MAGI2: variants seen among roughly 807,000 people sequenced by gnomAD.
The protein encoded by MAGI2 is membrane associated guanylate kinase, WW and PDZ domain containing 2, also known as membrane-associated guanylate kinase, WW and PDZ domain-containing protein 2.
In MAGI2, 35 loss-of-function variants were observed where a neutral mutation model predicts 133.3. That is an observed-to-expected ratio of 0.26 (90% CI 0.20 to 0.35). The LOEUF (loss-of-function observed/expected upper bound fraction) is 0.35. MAGI2 is among the 10% of genes least tolerant of loss of function. The pLI is 1.00. For synonymous variants in MAGI2, 729 were observed against 710.6 expected (o/e 1.03, Z -0.41); for missense variants, 1,636 against 1,863.4 (o/e 0.88, Z 2.25).
chr7:79,341,000 T>A (rs1334364037), intron 1 of MAGI2, among the ~76,000 whole-genome samples: 2 of 152,102 alleles, frequency 1.3e-5, no homozygotes, highest in South Asian at 4.1e-4. Flanking sequence ...ACACCTATTA[T>A]AAAAATTATT....
intron 1 of MAGI2, among the ~76,000 whole-genome samples, chr7:79,033,371 T>C (rs1343860913): frequency 6.6e-6 from 1 of 152,202 alleles, no homozygotes; most frequent in African/African-American, 2.4e-5. Context: ...CCATTTTGGT[T>C]TTGACTTTTT....
In MAGI2 at chr7:78,267,753, C is replaced by T. The variant is rs560680921; in HGVS notation, c.1409-11172G>A. Among the ~76,000 whole-genome samples the T allele has an allele frequency of 9.2e-5, 14 of 152,254 alleles. No homozygotes were observed. In the South Asian group the frequency reaches 2.5e-3, roughly 27 times the overall value. ...GGCATATACCCACCACTACCCTCTC[C>T]GTGTTAGACACTGCACACAGATTCT... On this transcript the variant is annotated intron_variant, in intron 9 of 21. Transcript: ENST00000354212.
At chr7:78,364,608 A>G (rs1793185131) in intron 7 of MAGI2, among the ~76,000 whole-genome samples, 1 of 152,216 alleles carries the variant, frequency 6.6e-6, no homozygotes, top group Non-Finnish European at 1.5e-5. Flanking sequence ...CTACAGTTAT[A>G]TGGTTTGCTT....
At chr7:78,259,436 T>G (rs1793308337) in intron 9 of MAGI2, among the ~76,000 whole-genome samples, 1 of 152,180 alleles carries the variant, frequency 6.6e-6, no homozygotes, top group Non-Finnish European at 1.5e-5. Context: ...AGCAACTTAT[T>G]GTTCCATGGG....
At chr7:78,762,186 G>C (rs1233082704) in intron 2 of MAGI2, among the ~76,000 whole-genome samples, 1 of 152,202 alleles carries the variant, frequency 6.6e-6, no homozygotes, top group Non-Finnish European at 1.5e-5. Context: ...GCTGGCACCT[G>C]TAATCCCAGC....
chr7:78,231,830 A>G (rs1453786017), intron 10 of MAGI2, among the ~76,000 whole-genome samples: 1 of 152,212 alleles, frequency 6.6e-6, no homozygotes, highest in Non-Finnish European at 1.5e-5. Flanking sequence ...GTATGGTAGA[A>G]GTCCAGTCGT....
chr7:79,096,644 T>C (rs926232028), intron 1 of MAGI2, among the ~76,000 whole-genome samples: 1 of 152,168 alleles, frequency 6.6e-6, no homozygotes, highest in African/African-American at 2.4e-5. Flanking sequence ...CCTGATAGTA[T>C]CTAATATTCA....
intron 6 of MAGI2, among the ~76,000 whole-genome samples, chr7:78,428,952 A>G (rs1470404924): frequency 1.3e-5 from 2 of 152,190 alleles, no homozygotes; most frequent in Non-Finnish European, 2.9e-5. Context: ...CATTTACCAT[A>G]TAGCGTAATG....
chr7:78,875,097 A>C (rs553932925), intron 2 of MAGI2, among the ~76,000 whole-genome samples: 2 of 152,268 alleles, frequency 1.3e-5, no homozygotes, highest in African/African-American at 4.8e-5. Context: ...GGAAACAAAA[A>C]ATCTGAGTAT....
intron 1 of MAGI2, among the ~76,000 whole-genome samples, chr7:79,419,544 A>C (rs1846787821): frequency 6.6e-6 from 1 of 152,034 alleles, no homozygotes; most frequent in South Asian, 2.1e-4. Flanking sequence ...AAATTAACCC[A>C]TAGCTGTTTT....
At chr7:78,462,765 T>C (rs1195247616) in intron 6 of MAGI2, among the ~76,000 whole-genome samples, 1 of 152,200 alleles carries the variant, frequency 6.6e-6, no homozygotes, top group East Asian at 1.9e-4. Context: ...GTAATGCTGC[T>C]GTGTGAAGGT....
intron 9 of MAGI2, among the ~76,000 whole-genome samples, chr7:78,278,297 G>A (rs1437563534): frequency 6.6e-6 from 1 of 152,158 alleles, no homozygotes; most frequent in South Asian, 2.1e-4. Flanking sequence ...AGGTTTGGGA[G>A]TAGAAGACAA....
intron 2 of MAGI2, among the ~76,000 whole-genome samples, chr7:78,773,554 T>C (rs965174257): frequency 2.0e-5 from 3 of 152,130 alleles, no homozygotes; most frequent in African/African-American, 7.2e-5. Context: ...AAACAGAGTG[T>C]TTTTCAGAAA....
intron 16 of MAGI2, among the ~76,000 whole-genome samples, chr7:78,143,985 T>A (rs572667290): frequency 6.6e-6 from 1 of 151,850 alleles, no homozygotes; most frequent in South Asian, 2.1e-4. Flanking sequence ...TGGCTGTCTA[T>A]GTTTTTAGTC....
chr7:78,061,271 A>T (rs777251364), intron 21 of MAGI2, among the ~76,000 whole-genome samples: 4 of 151,780 alleles, frequency 2.6e-5, no homozygotes, highest in Non-Finnish European at 5.9e-5. Flanking sequence ...ATACCATAGC[A>T]GTATAGCAGT....
chr7:79,250,746 A>C (rs187550666), intron 1 of MAGI2, among the ~76,000 whole-genome samples: 40 of 152,272 alleles, frequency 2.6e-4, no homozygotes, highest in African/African-American at 8.4e-4. Flanking sequence ...AAAAAAAAAT[A>C]CTAACAGTTA....
At chr7:78,181,999 T>C (rs920993767) in intron 13 of MAGI2, among the ~76,000 whole-genome samples, 24 of 152,178 alleles carry the variant, frequency 1.6e-4, no homozygotes, top group African/African-American at 5.8e-4. Context: ...AAGAACAACA[T>C]TTTTATGAAT....
chr7:79,123,345 A>T (rs868489279), intron 1 of MAGI2, among the ~76,000 whole-genome samples: 12 of 152,194 alleles, frequency 7.9e-5, no homozygotes, highest in Non-Finnish European at 1.6e-4. Context: ...TAAAGGATGA[A>T]TCAGATAGAT....
At chr7:79,205,118 T>A (rs1828932271) in intron 1 of MAGI2, among the ~76,000 whole-genome samples, 2 of 151,398 alleles carry the variant, frequency 1.3e-5, no homozygotes, top group African/African-American at 4.9e-5. Context: ...TATCCGTGCA[T>A]TAGGAAGGTC....
Sources: allele counts gnomAD v4.1 joint callset (sites outside exome capture counted in the v4.1 genomes callset), GRCh38; gene constraint gnomAD v4.1.1; transcripts MANE v1.5; gene names NCBI Gene and HGNC (gene_info 2026-07-23, HGNC 2026-07-21).